The following WASF3 variants were observed in gnomAD, a reference collection of about 807,000 sequenced individuals.
WASF3 encodes the protein WASP family member 3, also known as actin-binding protein WASF3.
WASF3 carries 11 observed loss-of-function variants against 46.6 expected under a neutral mutation model. The observed-to-expected ratio is 0.24, with a 90% CI of 0.15 to 0.39. WASF3 has a LOEUF of 0.39. Among genes scored for constraint, WASF3 ranks in the 10% least tolerant of loss-of-function variants. WASF3 has a pLI of 1.00. For synonymous variants in WASF3, 242 were observed against 259.7 expected (o/e 0.93, Z 0.65); for missense variants, 576 against 669.8 (o/e 0.86, Z 1.55).
At chr13:26,615,208 T>C (rs1488636999) in intron 2 of WASF3, among the ~76,000 whole-genome samples, 1 of 152,202 alleles carries the variant, frequency 6.6e-6, no homozygotes, top group East Asian at 1.9e-4. Flanking sequence ...TTACTTGACC[T>C]TCATGTTAGA....
chr13:26,596,428 C>G (rs1176022516), intron 1 of WASF3, among the ~76,000 whole-genome samples: 1 of 151,954 alleles, frequency 6.6e-6, no homozygotes, highest in African/African-American at 2.4e-5. Flanking sequence ...CCCCACACCT[C>G]AGCATTCTAA....
At chr13:26,599,470 G>T (rs1224969584) in intron 1 of WASF3, among the ~76,000 whole-genome samples, 8 of 152,090 alleles carry the variant, frequency 5.3e-5, no homozygotes, top group African/African-American at 1.9e-4. Context: ...GTGACATAGG[G>T]GCTCTCTCAG....
intron 3 of WASF3, among the ~76,000 whole-genome samples, chr13:26,647,858 C>T (rs1053701967): frequency 3.3e-5 from 5 of 151,932 alleles, no homozygotes; most frequent in Non-Finnish European, 7.4e-5. Flanking sequence ...TACAAAATTC[C>T]GTTAATCAGA....
intron 1 of WASF3, among the ~76,000 whole-genome samples, chr13:26,598,661 C>T (rs117015114): frequency 0.029 from 4,365 of 152,216 alleles, 92 homozygotes; most frequent in South Asian, 0.047. Flanking sequence ...AGTTTGTTTT[C>T]GGCAGTTTTC....
chr13:26,672,003 G>A lies in WASF3; in HGVS notation c.540+14G>A, dbSNP rs571596180. On this transcript the variant is annotated intron_variant, in intron 6 of 9. Transcript: ENST00000335327. The stretch of plus-strand genomic sequence containing the variant: ...AGGCGTCAAAAGGTAAATAATTTCA[G>A]TATGGGAAATGTGCATATCAGTGTT... 3 of 1,546,016 alleles carry A rather than the reference G, an allele frequency of 1.9e-6. No homozygotes were observed. The highest frequency in any genetic ancestry group is 2.3e-5 in the East Asian group (1 of 44,400).
rs761050340 is a variant in WASF3, at chr13:26,681,180, T to C, written c.843T>C (p.Ala281=). The change falls in exon 8 of 10, where the codon GCT becomes GCC. Residue 281 remains alanine (A), a synonymous_variant. Transcript: ENST00000335327. The stretch of plus-strand genomic sequence containing the variant: ...CACCACACGGGCCTGCAAGCCAGGC[T>C]GCGGAGCATGAGTACCGGCCCCCAT... ...DVPPHGPASQ[A]AEHEYRPPSA... The C allele has an allele frequency of 3.7e-5, 60 of 1,614,018 alleles. No homozygotes were observed. In the East Asian group the frequency reaches 1.0e-3, roughly 28 times the overall value.
At chr13:26,577,391 G>C in intron 1 of WASF3, 1 of 772,358 alleles carries the variant, frequency 1.3e-6, no homozygotes, top group Non-Finnish European at 2.4e-6. Flanking sequence ...GAATATGATG[G>C]AAATCAAGAC....
intron 7 of WASF3, among the ~76,000 whole-genome samples, chr13:26,678,982 A>T (rs1397155645): frequency 7.7e-6 from 1 of 130,082 alleles, no homozygotes; most frequent in African/African-American, 3.0e-5. Context: ...CGTTGTCTCC[A>T]GCCCTCCCAG....
At chr13:26,590,103 C>T (rs1345217025) in intron 1 of WASF3, among the ~76,000 whole-genome samples, 1 of 152,164 alleles carries the variant, frequency 6.6e-6, no homozygotes, top group Non-Finnish European at 1.5e-5. Context: ...CATTAATATG[C>T]TTTGTCAGTC....
chr13:26,593,580 A>G (rs746546600), intron 1 of WASF3, among the ~76,000 whole-genome samples: 8 of 152,038 alleles, frequency 5.3e-5, no homozygotes, highest in Non-Finnish European at 8.8e-5. Context: ...GTGCCTTAGC[A>G]TTTATTTCAT....
intron 3 of WASF3, among the ~76,000 whole-genome samples, chr13:26,660,951 G>GGA (rs1310409913): frequency 6.6e-6 from 1 of 151,948 alleles, no homozygotes; most frequent in Non-Finnish European, 1.5e-5. Flanking sequence ...GAGGTCACAT[G>GGA]GAGAGAGAGA....
At chr13:26,622,107 A>G (rs768218705) in intron 2 of WASF3, among the ~76,000 whole-genome samples, 2 of 152,202 alleles carry the variant, frequency 1.3e-5, no homozygotes, top group African/African-American at 2.4e-5. Flanking sequence ...TTTTGTGTGT[A>G]TAATATAGTC....
chr13:26,566,510 T>C (rs568865655), intron 1 of WASF3, among the ~76,000 whole-genome samples: 1 of 152,366 alleles, frequency 6.6e-6, no homozygotes, highest in South Asian at 2.1e-4. Flanking sequence ...ACTGCAAGAT[T>C]TCAGTGACTC....
intron 3 of WASF3, 84 bp downstream of exon 3, chr13:26,642,487 A>G: frequency 7.0e-7 from 1 of 1,438,226 alleles, no homozygotes; most frequent in South Asian, 1.5e-5. Context: ...TGTCCAAAGA[A>G]GAGATTGCAG....
chr13:26,562,463 T>C (rs1342731227), intron 1 of WASF3, among the ~76,000 whole-genome samples: 2 of 152,078 alleles, frequency 1.3e-5, no homozygotes, highest in Non-Finnish European at 2.9e-5. Context: ...CCAGCATGTG[T>C]AGACAGCAAT....
At chr13:26,547,766 T>C in the WASF3 span, among the ~76,000 whole-genome samples, 1 of 152,232 alleles carries the variant, frequency 6.6e-6, no homozygotes, top group Non-Finnish European at 1.5e-5. Flanking sequence ...CCTTGGTGGC[T>C]GAGACTCTTT....
At chr13:26,667,713 G>GAGAGCTGGGC in intron 5 of WASF3, 43 bp downstream of exon 5, 5 of 1,590,412 alleles carry the variant, frequency 3.1e-6, no homozygotes, top group Non-Finnish European at 4.3e-6. Flanking sequence ...GAGATGAGGG[G>GAGAGCTGGGC]AGAGCTGGGC....
intron 2 of WASF3, among the ~76,000 whole-genome samples, chr13:26,615,499 G>A (rs1881105554): frequency 6.6e-6 from 1 of 152,016 alleles, no homozygotes; most frequent in South Asian, 2.1e-4. Context: ...AATAGAGACA[G>A]GGTTTCACCA....
intron 2 of WASF3, among the ~76,000 whole-genome samples, chr13:26,620,284 A>G (rs915202599): frequency 6.6e-6 from 1 of 152,180 alleles, no homozygotes; most frequent in Non-Finnish European, 1.5e-5. Flanking sequence ...ATGCACAATA[A>G]AGGACTATAA....
Sources: gnomAD v4.1 joint callset for allele counts (sites outside exome capture counted in the v4.1 genomes callset) on GRCh38, gnomAD v4.1.1 for gene constraint, MANE v1.5 for transcripts, NCBI Gene and HGNC (gene_info 2026-07-23, HGNC 2026-07-21) for gene names.